The following MAF variants were observed in gnomAD, a reference collection of about 807,000 sequenced individuals.
MAF encodes the protein transcription factor Maf.
MAF carries 10 observed loss-of-function variants against 22.0 expected under a neutral mutation model. The ratio of observed to expected loss-of-function variants is 0.45; its 90% confidence interval spans 0.28 to 0.77. The LOEUF is 0.77. Among genes scored for constraint, MAF ranks in the 30% least tolerant of loss-of-function variants. The pLI is 0.12. For synonymous variants in MAF, 337 were observed against 255.8 expected (o/e 1.32, Z -3.03); for missense variants, 544 against 548.4 (o/e 0.99, Z 0.08).
the MAF span, among the ~76,000 whole-genome samples, chr16:79,413,243 T>G: frequency 4.9e-4 from 25 of 51,526 alleles, 2 homozygotes; most frequent in African/African-American, 1.7e-3. Context: ...TTTTTTTTTT[T>G]TTTTTTTTTT....
chr16:79,424,610 A>G, the MAF span, among the ~76,000 whole-genome samples: 1 of 152,180 alleles, frequency 6.6e-6, no homozygotes, highest in East Asian at 1.9e-4. Context: ...GAGCCCCTGA[A>G]TGTGTCCTGG....
the MAF span, among the ~76,000 whole-genome samples, chr16:79,566,001 T>C: frequency 1.3e-5 from 2 of 152,160 alleles, no homozygotes; most frequent in Non-Finnish European, 2.9e-5. Context: ...CAATTCACCC[T>C]GCACTGATAG....
chr16:79,206,410 G>C, the MAF span: 8 of 152,340 alleles, frequency 5.3e-5, no homozygotes, highest in East Asian at 1.9e-4. Context: ...GTATGGCTTT[G>C]GACGAGTTGC....
the MAF span, among the ~76,000 whole-genome samples, chr16:79,229,045 A>C: frequency 1.3e-5 from 2 of 151,802 alleles, no homozygotes; most frequent in African/African-American, 2.4e-5. Flanking sequence ...GAAAAAGCCC[A>C]ATCAGCCACA....
the MAF span, among the ~76,000 whole-genome samples, chr16:79,564,876 A>C: frequency 6.6e-6 from 1 of 152,206 alleles, no homozygotes; most frequent in African/African-American, 2.4e-5. Context: ...ACTTCTGCAA[A>C]ACATTCCTTG....
Position 79,599,430 on chromosome 16 carries a change from C to A in MAF, c.473G>T (p.Gly158Val), listed in dbSNP as rs1296186188. The change falls in exon 1 of 2, where the codon GGC becomes GTC. Residue 158 changes from glycine to valine, a missense_variant. Gly to Val is a moderately radical substitution (Grantham distance 109, BLOSUM62 -3). Transcript: ENST00000326043. ...GGCGGACACCACGGCGGCGGCGGGGCCCATCTCCTCGCCGCTGCCGCCCAA... is the reference window on the plus strand; with the variant it reads ...GGCGGACACCACGGCGGCGGCGGGGACCATCTCCTCGCCGCTGCCGCCCAA... The part of the protein sequence containing the change: ...ASLGGSGEEM[G>V]PAAAVVSAVI... The A allele has an allele frequency of 2.5e-6, 3 of 1,217,266 alleles. No individual in the cohort carries two copies. Among genetic ancestry groups the A allele is most frequent in the Non-Finnish European group, 3.1e-6 (3 of 981,698 alleles). 75.4% of individuals were successfully genotyped at this position (1,217,266 alleles called of 1,614,324 possible).
the MAF span, among the ~76,000 whole-genome samples, chr16:79,289,894 C>G: frequency 8.1e-6 from 1 of 122,918 alleles, no homozygotes; most frequent in African/African-American, 3.0e-5. Context: ...GCTCTGTCAC[C>G]TGGCTGGAGT....
chr16:79,414,454 G>A, the MAF span, among the ~76,000 whole-genome samples: 1 of 152,152 alleles, frequency 6.6e-6, no homozygotes, highest in Non-Finnish European at 1.5e-5. Flanking sequence ...AATAGAGTGA[G>A]AACTCATTAT....
the MAF span, among the ~76,000 whole-genome samples, chr16:79,561,997 A>G: frequency 6.6e-6 from 1 of 152,144 alleles, no homozygotes; most frequent in Admixed American, 6.5e-5. Context: ...CAGGCTCACA[A>G]TCACTTATGT....
the MAF span, among the ~76,000 whole-genome samples, chr16:79,569,707 A>G: frequency 6.6e-6 from 1 of 151,474 alleles, no homozygotes; most frequent in South Asian, 2.1e-4. Context: ...AAAATTATTG[A>G]TGCCTGGGTA....
the MAF span, among the ~76,000 whole-genome samples, chr16:79,362,997 T>C: frequency 6.6e-6 from 1 of 152,232 alleles, no homozygotes; most frequent in Admixed American, 6.5e-5. Flanking sequence ...TAAGGGACTA[T>C]ATTTCAACTG....
the MAF span, among the ~76,000 whole-genome samples, chr16:79,467,345 C>A: frequency 6.6e-6 from 1 of 152,206 alleles, no homozygotes; most frequent in Non-Finnish European, 1.5e-5. Flanking sequence ...TGGGAATCTG[C>A]AAGGGGGCAG....
At chr16:79,578,645 C>T in the MAF span, among the ~76,000 whole-genome samples, 2 of 152,096 alleles carry the variant, frequency 1.3e-5, no homozygotes, top group Admixed American at 1.3e-4. Flanking sequence ...ATTAGAGAAG[C>T]TTTGACACAC....
the MAF span, among the ~76,000 whole-genome samples, chr16:79,332,762 C>T: frequency 6.6e-6 from 1 of 152,172 alleles, no homozygotes; most frequent in South Asian, 2.1e-4. Context: ...TGACGAACAA[C>T]CAGCCTACAC....
At chr16:79,206,138 T>A in the MAF span, 1 of 152,064 alleles carries the variant, frequency 6.6e-6, no homozygotes, top group South Asian at 2.1e-4. Flanking sequence ...GAAAAAAAAA[T>A]CTCCTTTTAA....
chr16:79,394,783 G>A, the MAF span, among the ~76,000 whole-genome samples: 4 of 152,138 alleles, frequency 2.6e-5, no homozygotes, highest in Non-Finnish European at 5.9e-5. Flanking sequence ...GTGCAACCTA[G>A]GTAGCAGGTT....
Position 79,600,131 on chromosome 16 carries a change from T to A in MAF, c.-229A>T, listed in dbSNP as rs1219503768. 2 of 474,796 alleles carry A rather than the reference T, an allele frequency of 4.2e-6. No individual in the cohort carries two copies. The highest frequency in any genetic ancestry group is 4.7e-5 in the Admixed American group (1 of 21,316). 29.4% of individuals were successfully genotyped at this position (474,796 alleles called of 1,614,324 possible). ...CCTCCCTCCCCCCTGCTCACGCCAATGTGCTCCCTCGCTCGCCCCGGCCCC... is the reference window on the plus strand; with the variant it reads ...CCTCCCTCCCCCCTGCTCACGCCAAAGTGCTCCCTCGCTCGCCCCGGCCCC... On this transcript the variant is annotated 5_prime_UTR_variant, in exon 1 of 2. Coordinates refer to ENST00000326043, the MANE Select transcript of MAF (RefSeq NM_005360.5).
the MAF span, among the ~76,000 whole-genome samples, chr16:79,333,288 C>A: frequency 6.6e-6 from 1 of 152,134 alleles, no homozygotes. Context: ...GATCTGACCC[C>A]ACCTGAGCTC....
At chr16:79,273,948 CCTTTT>C in the MAF span, among the ~76,000 whole-genome samples, 1 of 110,766 alleles carries the variant, frequency 9.0e-6, no homozygotes. Context: ...TTCGTGTCTG[CCTTTT>C]TTTTTTTTTT....
Sources: allele counts gnomAD v4.1 joint callset (sites outside exome capture counted in the v4.1 genomes callset), GRCh38; gene constraint gnomAD v4.1.1; transcripts MANE v1.5; gene names NCBI Gene and HGNC (gene_info 2026-07-23, HGNC 2026-07-21).